The following FOXO1 variants were observed in gnomAD, a reference collection of about 807,000 sequenced individuals.
The protein encoded by FOXO1 is forkhead box O1.
FOXO1 carries 6 observed loss-of-function variants against 44.1 expected under a neutral mutation model. The ratio of observed to expected loss-of-function variants is 0.14; its 90% CI spans 0.07 to 0.27. FOXO1 has a LOEUF of 0.27. FOXO1 is among the 10% of genes least tolerant of loss of function. FOXO1 has a pLI of 1.00. For synonymous variants in FOXO1, 380 were observed against 362.7 expected, an observed-to-expected ratio of 1.05 and a Z score of -0.54; for missense variants, 737 against 888.8, an observed-to-expected ratio of 0.83 and a Z score of 2.17.
In FOXO1 at chr13:40,594,249, T is replaced by C. The variant is rs112469858; in HGVS notation, c.631-33389A>G. On this transcript the variant is annotated intron_variant, in intron 1 of 2. Coordinates refer to ENST00000379561, the MANE Select transcript of FOXO1 (RefSeq NM_002015.4). ...ACCCACCTGATCACTTCTATGCTCT[T>C]CTGGAGTTTAAGGGGGCCAATGGGG... Among the ~76,000 whole-genome samples, 10 of 152,246 alleles carry C rather than the reference T, an allele frequency of 6.6e-5. 1 individual carries two copies. The highest frequency in any genetic ancestry group is 2.4e-4 in the African/African-American group (10 of 41,538).
intron 1 of FOXO1, among the ~76,000 whole-genome samples, chr13:40,607,459 G>C (rs892563176): frequency 6.6e-6 from 1 of 151,068 alleles, no homozygotes; most frequent in Non-Finnish European, 1.5e-5. Flanking sequence ...TTCCCACTTG[G>C]GGTTTCTTCC....
At chr13:40,596,100 C>A (rs549266275) in intron 1 of FOXO1, among the ~76,000 whole-genome samples, 2 of 152,070 alleles carry the variant, frequency 1.3e-5, no homozygotes, top group South Asian at 4.1e-4. Flanking sequence ...AACAAAGGGA[C>A]TTTTAGGCTG....
chr13:40,586,521 G>C (rs1459519797), intron 1 of FOXO1, among the ~76,000 whole-genome samples: 1 of 152,172 alleles, frequency 6.6e-6, no homozygotes, highest in Non-Finnish European at 1.5e-5. Flanking sequence ...CTGCACAGAA[G>C]ATATGACTCT....
At chr13:40,665,067 G>A (rs1305716834) in intron 1 of FOXO1, among the ~76,000 whole-genome samples, 1 of 151,180 alleles carries the variant, frequency 6.6e-6, no homozygotes, top group East Asian at 2.0e-4. Flanking sequence ...CCGGCCGGTC[G>A]CGCCCTGCCT....
Position 40,579,646 on chromosome 13 carries a change from G to A in FOXO1, c.631-18786C>T, listed in dbSNP as rs569794248. ...GGGGGCGGGGGCGGTACAATCCTAA[G>A]ACTTCTCCCAGGCCAGGAAAACACT... On this transcript the variant is annotated intron_variant, in intron 1 of 2. Coordinates refer to ENST00000379561, the MANE Select transcript of FOXO1 (RefSeq NM_002015.4). 3.3e-5 allele frequency among the ~76,000 whole-genome samples: 5 copies of A among 152,272 alleles called. No homozygotes were observed. The East Asian group carries it at 9.7e-4, about 29-fold the overall frequency.
chr13:40,577,074 G>T (rs1874778075), intron 1 of FOXO1, among the ~76,000 whole-genome samples: 1 of 152,208 alleles, frequency 6.6e-6, no homozygotes, highest in Admixed American at 6.5e-5. Flanking sequence ...TACCCTGGTG[G>T]ATGCACAGGA....
intron 1 of FOXO1, among the ~76,000 whole-genome samples, chr13:40,655,088 C>A (rs982048308): frequency 2.0e-5 from 3 of 152,132 alleles, no homozygotes; most frequent in Non-Finnish European, 2.9e-5. Flanking sequence ...GTGATCCCAG[C>A]ACTTTGGGAG....
intron 1 of FOXO1, chr13:40,620,503 G>C: frequency 1.9e-6 from 1 of 520,844 alleles, no homozygotes. Context: ...GGAGAATCTA[G>C]TACTCTAAGG....
intron 1 of FOXO1, among the ~76,000 whole-genome samples, chr13:40,605,203 AAC>A (rs1875951415): frequency 6.6e-6 from 1 of 152,146 alleles, no homozygotes; most frequent in South Asian, 2.1e-4. Context: ...TCTATAATAA[AAC>A]ACAGTTACTA....
At chr13:40,656,213 G>A (rs1448092901) in intron 1 of FOXO1, among the ~76,000 whole-genome samples, 1 of 152,088 alleles carries the variant, frequency 6.6e-6, no homozygotes, top group Non-Finnish European at 1.5e-5. Flanking sequence ...TGGGTTAGTG[G>A]GAAGATAATT....
rs146982053 is a variant in FOXO1, at chr13:40,619,176, C to A, written c.630+46407G>T. 3,493 of 356,116 alleles carry A rather than the reference C, an allele frequency of 9.8e-3. 24 individuals are homozygous for A. The highest frequency in any genetic ancestry group is 0.014 in the Non-Finnish European group (2,693 of 186,528). The allele number at this position is 356,116 out of a possible 1,614,324, so 22.1% of individuals were successfully genotyped here. The stretch of plus-strand genomic sequence containing the variant: ...GTGGCACATGCCTGTAATACCTAAT[C>A]CCAGCTACTCAGGAGGCTGAGGCAG... On this transcript the variant is annotated intron_variant, in intron 1 of 2. Transcript: ENST00000379561.
chr13:40,657,901 T>C (rs988234249), intron 1 of FOXO1, among the ~76,000 whole-genome samples: 2 of 152,230 alleles, frequency 1.3e-5, no homozygotes, highest in Admixed American at 6.5e-5. Context: ...ATACTACTTC[T>C]TAAATTATTC....
intron 1 of FOXO1, among the ~76,000 whole-genome samples, chr13:40,582,255 T>G (rs904077631): frequency 6.6e-6 from 1 of 152,246 alleles, no homozygotes; most frequent in Admixed American, 6.5e-5. Flanking sequence ...AATTAAAAAC[T>G]TTTATTGTTA....
At chr13:40,618,082 T>C (rs1317053706) in intron 1 of FOXO1, among the ~76,000 whole-genome samples, 1 of 152,186 alleles carries the variant, frequency 6.6e-6, no homozygotes, top group Non-Finnish European at 1.5e-5. Flanking sequence ...GAAAACTTTT[T>C]ATTTTTTTTT....
intron 1 of FOXO1, among the ~76,000 whole-genome samples, chr13:40,581,381 G>T (rs1021086745): frequency 6.6e-6 from 1 of 152,120 alleles, no homozygotes; most frequent in Non-Finnish European, 1.5e-5. Context: ...CCAGCTGCTC[G>T]CTCCTTGATC....
chr13:40,566,321 A>C (rs1252121103), intron 1 of FOXO1, among the ~76,000 whole-genome samples: 2 of 152,094 alleles, frequency 1.3e-5, no homozygotes, highest in Non-Finnish European at 2.9e-5. Flanking sequence ...CCACTGTCTA[A>C]GGCAATCATC....
intron 1 of FOXO1, among the ~76,000 whole-genome samples, chr13:40,584,469 CAAAAAA>C (rs55733141): frequency 0.091 from 5,604 of 61,722 alleles, 46 homozygotes; most frequent in East Asian, 0.12. Context: ...ACAAAAAATG[CAAAAAA>C]AAAAAAAAAA....
intron 1 of FOXO1, among the ~76,000 whole-genome samples, chr13:40,600,159 C>T (rs1190144819): frequency 1.3e-5 from 2 of 152,172 alleles, no homozygotes; most frequent in African/African-American, 4.8e-5. Context: ...GAGGAGAAAC[C>T]CATTTCAAAG....
chr13:40,664,750 G>A (rs944662183), intron 1 of FOXO1, among the ~76,000 whole-genome samples: 13 of 152,012 alleles, frequency 8.6e-5, no homozygotes, highest in Non-Finnish European at 1.5e-4. Flanking sequence ...CACGGCGCCC[G>A]GCCCCGACGC....
Sources: gnomAD v4.1 joint callset for allele counts (sites outside exome capture counted in the v4.1 genomes callset) on GRCh38, gnomAD v4.1.1 for gene constraint, MANE v1.5 for transcripts, NCBI Gene and HGNC (gene_info 2026-07-23, HGNC 2026-07-21) for gene names.